The following FLRT2 variants were observed in gnomAD, a reference collection of about 807,000 sequenced individuals.
FLRT2 encodes the protein leucine-rich repeat transmembrane protein FLRT2.
In FLRT2, 15 loss-of-function variants were observed where a neutral mutation model predicts 40.0. The ratio of observed to expected loss-of-function variants is 0.38; its 90% confidence interval spans 0.25 to 0.58. The LOEUF (loss-of-function observed/expected upper bound fraction) is 0.58. FLRT2 is among the 20% of genes least tolerant of loss of function. FLRT2 has a pLI of 0.71. For missense variants in FLRT2, 726 were observed against 840.0 expected, an observed-to-expected ratio of 0.86 and a Z score of 1.68; for synonymous variants, 380 against 336.8, an observed-to-expected ratio of 1.13 and a Z score of -1.41.
chr14:85,571,409 T>A (rs1028343811), intron 1 of FLRT2, among the ~76,000 whole-genome samples: 1 of 152,134 alleles, frequency 6.6e-6, no homozygotes, highest in African/African-American at 2.4e-5. Context: ...CTGTTGACAA[T>A]TGGCAGCATG....
intron 1 of FLRT2, chr14:85,559,476 A>G (rs976121273): frequency 2.0e-5 from 3 of 152,250 alleles, no homozygotes; most frequent in African/African-American, 4.8e-5. Context: ...TTTGGTTCCA[A>G]ATGGTTCAGA....
intron 1 of FLRT2, among the ~76,000 whole-genome samples, chr14:85,596,477 C>T (rs934142861): frequency 6.6e-6 from 1 of 152,162 alleles, no homozygotes; most frequent in East Asian, 1.9e-4. Flanking sequence ...AGATTAGACA[C>T]TAATGTAAGA....
At chr14:85,591,847 A>T (rs780564420) in intron 1 of FLRT2, among the ~76,000 whole-genome samples, 1 of 152,204 alleles carries the variant, frequency 6.6e-6, no homozygotes, top group Non-Finnish European at 1.5e-5. Context: ...TGGTGAATAC[A>T]TAGCATTTTT....
At position 85,644,006 on chromosome 14, in the gene FLRT2, C is replaced by T. The variant is rs539121319; in HGVS notation, c.*20509C>T. The T allele has an allele frequency of 2.2e-4, 34 of 152,272 alleles. No homozygotes were observed. The highest frequency in any genetic ancestry group is 3.4e-3 in the Middle Eastern group (1 of 294). 9.4% of individuals were successfully genotyped at this position (152,272 alleles called of 1,614,324 possible). ...CAACTTAAGTTGTACCTGAATTGTG[C>T]AAATGAAGGAAAGATGCAGGTTTGG... On this transcript the variant is annotated 3_prime_UTR_variant, in exon 2 of 2. Transcript: ENST00000330753.
intron 1 of FLRT2, among the ~76,000 whole-genome samples, chr14:85,573,944 T>C (rs1430850130): frequency 6.6e-6 from 1 of 152,226 alleles, no homozygotes; most frequent in Non-Finnish European, 1.5e-5. Flanking sequence ...TTTTGATTAG[T>C]CTGAGTTGCC....
At chr14:85,542,911 T>C (rs922832364) in intron 1 of FLRT2, among the ~76,000 whole-genome samples, 1 of 152,158 alleles carries the variant, frequency 6.6e-6, no homozygotes, top group Non-Finnish European at 1.5e-5. Flanking sequence ...CAGACAAGAC[T>C]TTGTCCCTGC....
intron 1 of FLRT2, among the ~76,000 whole-genome samples, chr14:85,535,388 A>T (rs2139799360): frequency 6.7e-6 from 1 of 150,094 alleles, no homozygotes; most frequent in Non-Finnish European, 1.5e-5. Context: ...TGAGGTAAAT[A>T]GAATGCAGAT....
intron 1 of FLRT2, among the ~76,000 whole-genome samples, chr14:85,536,593 T>C (rs1237997705): frequency 6.6e-6 from 1 of 152,122 alleles, no homozygotes; most frequent in East Asian, 1.9e-4. Flanking sequence ...TGATTCAAAT[T>C]CAGTCCATTA....
In FLRT2 at chr14:85,651,933, C is replaced by T. The variant is rs1413707635; in HGVS notation, c.*28436C>T. 6.6e-6 allele frequency: 1 copy of T among 152,010 alleles called. No homozygotes were observed. Among genetic ancestry groups the T allele is most frequent in the Non-Finnish European group, 1.5e-5 (1 of 67,960 alleles). 9.4% of individuals were successfully genotyped at this position (152,010 alleles called of 1,614,324 possible). A position where few individuals can be genotyped will look rare whatever the true frequency, so the allele number is the denominator to read the frequency against. ...CATATTATTGGTCATCATCACCTGC[C>T]TATTAAATATGCTTTCCCACTAGGG... On this transcript the variant is annotated 3_prime_UTR_variant, in exon 2 of 2. Coordinates refer to ENST00000330753, the MANE Select transcript of FLRT2 (RefSeq NM_013231.6).
Position 85,622,721 on chromosome 14 carries a change from TCGAAACTTCCCA to T in FLRT2, c.1211_1222del (p.Lys404_Thr407del). Reference sequence around the variant, plus strand: ...CTACACGCCTCCAACTCCTACCACATCGAAACTTCCCACGATTCCTGACTGGGATGGCAGAGA... The same window carrying T: ...CTACACGCCTCCAACTCCTACCACATCGATTCCTGACTGGGATGGCAGAGA... On this transcript the variant is annotated inframe_deletion, in exon 2 of 2. Coordinates refer to ENST00000330753, the MANE Select transcript of FLRT2 (RefSeq NM_013231.6). 1.2e-6 allele frequency: 2 copies of T among 1,613,894 alleles called. No individual in the cohort carries two copies. The highest frequency in any genetic ancestry group is 2.7e-5 in the African/African-American group (2 of 74,960).
chr14:85,564,532 C>T (rs891718854), intron 1 of FLRT2, among the ~76,000 whole-genome samples: 1 of 152,076 alleles, frequency 6.6e-6, no homozygotes, highest in Admixed American at 6.6e-5. Flanking sequence ...CAAATGTATT[C>T]GTGGAAGATT....
chr14:85,535,890 C>CTGTTT (rs1452947162), intron 1 of FLRT2, among the ~76,000 whole-genome samples: 3 of 65,206 alleles, frequency 4.6e-5, no homozygotes, highest in South Asian at 6.7e-4. Flanking sequence ...GGAAGGAATG[C>CTGTTT]TGTTTTTTTT....
At chr14:85,576,193 C>A (rs564396516) in intron 1 of FLRT2, among the ~76,000 whole-genome samples, 1 of 152,118 alleles carries the variant, frequency 6.6e-6, no homozygotes, top group Non-Finnish European at 1.5e-5. Context: ...TGACCGTGGC[C>A]GCCTCAAAAA....
intron 1 of FLRT2, among the ~76,000 whole-genome samples, chr14:85,562,332 C>T (rs1774340260): frequency 6.6e-6 from 1 of 152,280 alleles, no homozygotes; most frequent in African/African-American, 2.4e-5. Flanking sequence ...TGCTACATAA[C>T]ATTTTTACAT....
intron 1 of FLRT2, among the ~76,000 whole-genome samples, chr14:85,578,084 G>A (rs1891202074): frequency 6.9e-6 from 1 of 145,880 alleles, no homozygotes. Flanking sequence ...AGGACACCCA[G>A]TTTGTTGTTT....
At chr14:85,615,696 A>C (rs997408811) in intron 1 of FLRT2, among the ~76,000 whole-genome samples, 8 of 152,180 alleles carry the variant, frequency 5.3e-5, no homozygotes, top group Non-Finnish European at 8.8e-5. Flanking sequence ...TAACTATAGG[A>C]CTCTCCTGAT....
rs1259485177 is a variant in FLRT2, at chr14:85,623,832, C to T, written c.*335C>T. 4.6e-6 allele frequency: 1 copy of T among 218,882 alleles called. No individual in the cohort carries two copies. The highest frequency in any genetic ancestry group is 9.7e-6 in the Non-Finnish European group (1 of 103,226). 13.6% of individuals were successfully genotyped at this position (218,882 alleles called of 1,614,324 possible). On this transcript the variant is annotated 3_prime_UTR_variant, in exon 2 of 2. Coordinates refer to ENST00000330753, the MANE Select transcript of FLRT2 (RefSeq NM_013231.6). ...ATTTTTCCTTAGGATACACATCAAC[C>T]ACTTTGCTGTTGAAGCTGTCAGAAT...
At position 85,554,392 on chromosome 14, in the gene FLRT2, C is replaced by T. The variant is rs151074409; in HGVS notation, c.-377+23858C>T. 3.4e-3 allele frequency among the ~76,000 whole-genome samples: 514 copies of T among 152,286 alleles called. 1 individual carries two copies. Among genetic ancestry groups the T allele is most frequent in the Non-Finnish European group, 5.2e-3 (355 of 68,016 alleles). On this transcript the variant is annotated intron_variant, in intron 1 of 1. Coordinates refer to ENST00000330753, the MANE Select transcript of FLRT2 (RefSeq NM_013231.6). ...TTCATTTTCTGATATATTAGTAAAT[C>T]TGAGAAATATTGTCCAGGTTGTATA...
In FLRT2 at chr14:85,623,214, A is replaced by G; in HGVS notation, c.1700A>G (p.His567Arg). The stretch of plus-strand genomic sequence containing the variant: ...CTCAGCGTCTTTTGCTGGCATATGC[A>G]CAAAAAGGGGCGCTACACCTCCCAG... ...VLLSVFCWHM[H>R]KKGRYTSQKW... The change falls in exon 2 of 2, where the codon CAC becomes CGC. Residue 567 changes from histidine (H) to arginine (R), a missense_variant. By Grantham distance (29) the His-to-Arg change is conservative. This residue lies in a region of FLRT2 where 611 missense variants were observed against 690.0 expected (regional missense o/e 0.89). Transcript: ENST00000330753. 6.5e-7 allele frequency: 1 copy of G among 1,535,230 alleles called. No homozygotes were observed.
Sources: allele counts gnomAD v4.1 joint callset (sites outside exome capture counted in the v4.1 genomes callset), GRCh38; gene constraint gnomAD v4.1.1; regional missense constraint gnomAD v4.1.1; transcripts MANE v1.5; gene names NCBI Gene and HGNC (gene_info 2026-07-23, HGNC 2026-07-21).